The following GRXCR1 variants were observed in gnomAD, a reference collection of about 807,000 sequenced individuals.
The protein encoded by GRXCR1 is glutaredoxin domain-containing cysteine-rich protein 1.
A neutral mutation model predicts 27.3 loss-of-function variants in GRXCR1; 27 were observed. The ratio of observed to expected loss-of-function variants is 0.99; its 90% CI spans 0.73 to 1.37. The LOEUF (loss-of-function observed/expected upper bound fraction) is 1.37, where lower values mean the gene tolerates loss of function less well. Among genes scored for constraint, GRXCR1 ranks in the 40% most tolerant of loss-of-function variants. GRXCR1 has a pLI of 0.00. For synonymous variants in GRXCR1, 122 were observed against 131.1 expected, an observed-to-expected ratio of 0.93 and a Z score of 0.47; for missense variants, 379 against 354.4, an observed-to-expected ratio of 1.07 and a Z score of -0.56.
At chr4:42,934,252 A>ATG (rs1553939988) in intron 1 of GRXCR1, among the ~76,000 whole-genome samples, 2 of 149,684 alleles carry the variant, frequency 1.3e-5, no homozygotes, top group Non-Finnish European at 3.0e-5. Context: ...ATATATATAT[A>ATG]TATATGTATA....
chr4:43,005,458 T>G (rs1269154994), intron 2 of GRXCR1, among the ~76,000 whole-genome samples: 2 of 152,212 alleles, frequency 1.3e-5, no homozygotes, highest in Non-Finnish European at 2.9e-5. Flanking sequence ...GCTCACTTTT[T>G]TTGTGGACTC....
intron 2 of GRXCR1, 39 bp from the exon 3 acceptor site, chr4:43,020,315 C>G (rs747558909): frequency 7.5e-7 from 1 of 1,336,744 alleles, no homozygotes; most frequent in East Asian, 2.3e-5. Flanking sequence ...CAAATACTAA[C>G]AAAAATGGAT....
chr4:42,903,609 A>G (rs1399224721), intron 1 of GRXCR1, among the ~76,000 whole-genome samples: 2 of 147,936 alleles, frequency 1.4e-5, no homozygotes, highest in African/African-American at 4.9e-5. Context: ...ACAGCTTTCA[A>G]GGCTCTTCCT....
intron 2 of GRXCR1, among the ~76,000 whole-genome samples, chr4:43,013,713 C>T (rs917843987): frequency 2.0e-5 from 3 of 152,174 alleles, no homozygotes; most frequent in Non-Finnish European, 2.9e-5. Context: ...AGACAACAAT[C>T]TTAATCTTTT....
chr4:42,963,148 C>T lies in GRXCR1; in HGVS notation c.627+14C>T. On this transcript the variant is annotated intron_variant, in intron 2 of 3. Transcript: ENST00000399770. ...CATTACCTTGGGGTAAGTAAGCTGC[C>T]CAGGAAAGTCTTTTTCATAGAACCC... The T allele has an allele frequency of 6.2e-7, 1 of 1,611,888 alleles. No homozygotes were observed. The highest frequency in any genetic ancestry group is 8.5e-7 in the Non-Finnish European group (1 of 1,178,378).
chr4:42,950,004 A>G (rs1271987844), intron 1 of GRXCR1, among the ~76,000 whole-genome samples: 1 of 152,240 alleles, frequency 6.6e-6, no homozygotes, highest in African/African-American at 2.4e-5. Flanking sequence ...AGATTCTTAC[A>G]GCATCCAAAT....
intron 1 of GRXCR1, among the ~76,000 whole-genome samples, chr4:42,903,668 T>G (rs1041319495): frequency 1.4e-5 from 2 of 147,868 alleles, no homozygotes; most frequent in African/African-American, 4.9e-5. Flanking sequence ...CCCCTTCCCA[T>G]TTTTCTTTTT....
intron 1 of GRXCR1, among the ~76,000 whole-genome samples, chr4:42,938,020 G>A (rs1597565): frequency 0.27 from 40,617 of 151,640 alleles, 6,037 homozygotes; most frequent in African/African-American, 0.4. Flanking sequence ...GATCTGATTC[G>A]TTGCATCTAA....
At chr4:42,922,580 T>C (rs547803588) in intron 1 of GRXCR1, among the ~76,000 whole-genome samples, 9 of 152,114 alleles carry the variant, frequency 5.9e-5, no homozygotes, top group Admixed American at 2.0e-4. Flanking sequence ...GATATGTATG[T>C]CCCCATGTCC....
chr4:42,953,043 C>T (rs1321484896), intron 1 of GRXCR1, among the ~76,000 whole-genome samples: 1 of 152,126 alleles, frequency 6.6e-6, no homozygotes, highest in Non-Finnish European at 1.5e-5. Flanking sequence ...TCTTACACAT[C>T]AGTATCTTGA....
At chr4:42,995,934 G>A (rs1328941244) in intron 2 of GRXCR1, among the ~76,000 whole-genome samples, 3 of 152,150 alleles carry the variant, frequency 2.0e-5, no homozygotes, top group Non-Finnish European at 4.4e-5. Flanking sequence ...GATGTCATGC[G>A]AAAGGCTTTA....
chr4:42,913,191 G>A (rs1746766603), intron 1 of GRXCR1, among the ~76,000 whole-genome samples: 1 of 152,172 alleles, frequency 6.6e-6, no homozygotes, highest in Non-Finnish European at 1.5e-5. Flanking sequence ...CTGCTGTAAA[G>A]ATACCAAAAA....
chr4:42,992,413 G>T (rs908272690), intron 2 of GRXCR1, among the ~76,000 whole-genome samples: 1 of 152,096 alleles, frequency 6.6e-6, no homozygotes, highest in Non-Finnish European at 1.5e-5. Flanking sequence ...GAACACAGAT[G>T]ATAATTTAAT....
intron 2 of GRXCR1, among the ~76,000 whole-genome samples, chr4:43,013,467 A>G (rs1251346250): frequency 3.3e-5 from 5 of 152,000 alleles, no homozygotes; most frequent in Non-Finnish European, 7.4e-5. Flanking sequence ...ACAATAGACA[A>G]CTGGGGCCTA....
intron 1 of GRXCR1, among the ~76,000 whole-genome samples, chr4:42,893,955 G>C (rs916693897): frequency 6.6e-6 from 1 of 152,106 alleles, no homozygotes; most frequent in Non-Finnish European, 1.5e-5. Flanking sequence ...AAACTATGCT[G>C]TTCAAAGCAT....
In GRXCR1 at chr4:42,893,597, T is replaced by C. The variant is rs201002003; in HGVS notation, c.331T>C (p.Tyr111His). Residue 111 changes from tyrosine (Y) to histidine (H), a missense_variant, in exon 1 of 4, where the codon TAC becomes CAC. By Grantham distance (83) the Tyr-to-His change is moderately conservative. Coordinates refer to ENST00000399770, the MANE Select transcript of GRXCR1 (RefSeq NM_001080476.3). ...AAATGGCACAGTCAGAGGCGTCAAA[T>C]ACAAAGTGAGTGCTGGCCAGGCTCT... Reference protein sequence around the residue: ...SKNGTVRGVKYKVSAGQALFN... With the variant: ...SKNGTVRGVKHKVSAGQALFN... The C allele has an allele frequency of 2.5e-4, 405 of 1,613,570 alleles. 1 individual carries two copies. The highest frequency in any genetic ancestry group is 3.2e-4 in the Non-Finnish European group (378 of 1,179,780).
intron 1 of GRXCR1, among the ~76,000 whole-genome samples, chr4:42,903,308 ATTTTTTTT>A (rs35512711): frequency 6.5e-4 from 41 of 63,226 alleles, no homozygotes; most frequent in African/African-American, 2.0e-3. Flanking sequence ...AGCTTTGTAG[ATTTTTTTT>A]TTTTTTTTTT....
intron 1 of GRXCR1, among the ~76,000 whole-genome samples, chr4:42,904,692 A>G (rs1263618307): frequency 6.6e-6 from 1 of 152,196 alleles, no homozygotes; most frequent in Non-Finnish European, 1.5e-5. Flanking sequence ...TAAGTACTCA[A>G]TAAATACTAT....
chr4:42,963,259 C>G, intron 2 of GRXCR1, 125 bp downstream of exon 2: 1 of 1,081,928 alleles, frequency 9.2e-7, no homozygotes, highest in Non-Finnish European at 1.4e-6. Context: ...GAGCTCAAAC[C>G]AAAGGGATTG....
Sources: gnomAD v4.1 joint callset for allele counts (sites outside exome capture counted in the v4.1 genomes callset) on GRCh38, gnomAD v4.1.1 for gene constraint, MANE v1.5 for transcripts, NCBI Gene and HGNC (gene_info 2026-07-23, HGNC 2026-07-21) for gene names.